Variants in TNIK observed in about 807,000 individuals in gnomAD.
TNIK encodes the protein TRAF2 and NCK interacting kinase.
In TNIK, 49 loss-of-function variants were observed where a neutral mutation model predicts 191.3. The ratio of observed to expected loss-of-function variants is 0.26; its 90% CI spans 0.20 to 0.32. The LOEUF is 0.32. Among genes scored for constraint, TNIK ranks in the 10% least tolerant of loss-of-function variants. The pLI is 1.00. For missense variants in TNIK, 1,155 were observed against 1,702.3 expected (o/e 0.68, Z 5.66); for synonymous variants, 594 against 600.9 (o/e 0.99, Z 0.17).
At position 171,378,895 on chromosome 3, in the gene TNIK, G is replaced by C. The variant is rs114300427; in HGVS notation, c.58-9210C>G. ...AGTTAAATGAAGACCTATGTCTTTTGACTTCTAGTTTTTCCTTCTGTTTGA... is the reference window on the plus strand; with the variant it reads ...AGTTAAATGAAGACCTATGTCTTTTCACTTCTAGTTTTTCCTTCTGTTTGA... On this transcript the variant is annotated intron_variant, in intron 1 of 32. Transcript: ENST00000436636. Among the ~76,000 whole-genome samples the C allele has an allele frequency of 6.6e-3, 1,002 of 152,320 alleles. 13 individuals are homozygous for C. The highest frequency in any genetic ancestry group is 0.021 in the African/African-American group (874 of 41,564).
intron 1 of TNIK, among the ~76,000 whole-genome samples, chr3:171,432,181 A>T (rs1207025712): frequency 6.6e-6 from 1 of 152,220 alleles, no homozygotes; most frequent in African/African-American, 2.4e-5. Context: ...TGCAAGAGGA[A>T]AGCTGGAGGC....
intron 15 of TNIK, among the ~76,000 whole-genome samples, chr3:171,133,272 A>C (rs1379586967): frequency 1.3e-5 from 2 of 152,336 alleles, no homozygotes; most frequent in Middle Eastern, 6.8e-3. Flanking sequence ...TAATGAAGCA[A>C]AATCTTAGAA....
intron 2 of TNIK, 106 bp from the exon 3 acceptor site, chr3:171,228,327 AT>A: frequency 8.9e-7 from 1 of 1,118,180 alleles, no homozygotes; most frequent in East Asian, 2.4e-5. Context: ...TACTATGTCA[AT>A]GGGGGGAGAG....
At chr3:171,401,187 G>A (rs757157888) in intron 1 of TNIK, among the ~76,000 whole-genome samples, 3 of 152,148 alleles carry the variant, frequency 2.0e-5, no homozygotes, top group Non-Finnish European at 1.5e-5. Flanking sequence ...TTTAGGAGAG[G>A]TGAGGGATCA....
At chr3:171,303,025 T>C (rs541121876) in intron 2 of TNIK, among the ~76,000 whole-genome samples, 1 of 152,346 alleles carries the variant, frequency 6.6e-6, no homozygotes, top group East Asian at 1.9e-4. Context: ...GTAATTACTT[T>C]ATATAATAAC....
At chr3:171,397,127 T>C (rs534594260) in intron 1 of TNIK, among the ~76,000 whole-genome samples, 12 of 152,230 alleles carry the variant, frequency 7.9e-5, no homozygotes, top group Non-Finnish European at 1.2e-4. Flanking sequence ...ATGTGGCATC[T>C]GGAAAATCTA....
rs548371638 is a variant in TNIK at position 171,113,670 on chromosome 3, A to AATAT, written c.2121-2797_2121-2794dup. 4.0e-3 allele frequency among the ~76,000 whole-genome samples: 597 copies of AATAT among 151,136 alleles called. 3 individuals carry two copies. The highest frequency in any genetic ancestry group is 0.014 in the African/African-American group (557 of 41,234). Reference sequence around the variant, plus strand: ...TTGGTAGGCTACTACTCCCATTAAAAATATATATATATATTACTGTATTTG... The same window carrying AATAT: ...TTGGTAGGCTACTACTCCCATTAAAAATATATATATATATATATTACTGTATTTG... On this transcript the variant is annotated intron_variant, in intron 18 of 32. Coordinates refer to ENST00000436636, the MANE Select transcript of TNIK (RefSeq NM_015028.4).
chr3:171,132,264 A>G (rs1576915437), intron 15 of TNIK, among the ~76,000 whole-genome samples: 1 of 152,372 alleles, frequency 6.6e-6, no homozygotes, highest in East Asian at 1.9e-4. Context: ...GTTAGCACAG[A>G]CTGATCAACT....
intron 15 of TNIK, among the ~76,000 whole-genome samples, 179 bp downstream of exon 15, chr3:171,138,012 A>C (rs541714968): frequency 2.0e-5 from 3 of 151,944 alleles, no homozygotes; most frequent in Non-Finnish European, 4.4e-5. Flanking sequence ...AAATGAAGGA[A>C]GGTATCTTGC....
chr3:171,328,085 C>G (rs1297213833), intron 2 of TNIK, among the ~76,000 whole-genome samples: 2 of 152,064 alleles, frequency 1.3e-5, no homozygotes, highest in East Asian at 3.9e-4. Context: ...AATCCTAATT[C>G]CCAACCTGTT....
At chr3:171,205,341 C>A (rs1360660256) in intron 4 of TNIK, among the ~76,000 whole-genome samples, 19 of 152,202 alleles carry the variant, frequency 1.2e-4, no homozygotes, top group Admixed American at 1.2e-3. Context: ...AAGAAAGAAG[C>A]TACTAGACAA....
At chr3:171,138,001 CAAAT>C (rs1171401094) in intron 15 of TNIK, among the ~76,000 whole-genome samples, 186 bp downstream of exon 15, 18 of 148,786 alleles carry the variant, frequency 1.2e-4, no homozygotes, top group African/African-American at 4.0e-4. Flanking sequence ...CAAAACCTCA[CAAAT>C]GAAGGAAGGT....
intron 4 of TNIK, among the ~76,000 whole-genome samples, chr3:171,198,627 G>A (rs1367902439): frequency 6.6e-6 from 1 of 152,152 alleles, no homozygotes; most frequent in East Asian, 1.9e-4. Context: ...ATGGACATGT[G>A]GATGGGGTGG....
At chr3:171,420,240 C>T (rs111653671) in intron 1 of TNIK, among the ~76,000 whole-genome samples, 59 of 152,228 alleles carry the variant, frequency 3.9e-4, no homozygotes, top group African/African-American at 1.3e-3. Flanking sequence ...TGGTCCCTGC[C>T]TATAGGAGTT....
intron 23 of TNIK, among the ~76,000 whole-genome samples, chr3:171,090,494 C>G (rs1297601979): frequency 1.3e-5 from 2 of 149,640 alleles, no homozygotes; most frequent in African/African-American, 5.0e-5. Context: ...ACCCAAAGAG[C>G]CTTCATGATG....
intron 2 of TNIK, among the ~76,000 whole-genome samples, chr3:171,331,316 G>T (rs1298512839): frequency 1.3e-5 from 2 of 152,172 alleles, no homozygotes; most frequent in African/African-American, 4.8e-5. Context: ...GGCAAAGAGA[G>T]CCCTGTAAAT....
intron 9 of TNIK, among the ~76,000 whole-genome samples, chr3:171,169,966 C>T (rs185263444): frequency 3.3e-5 from 5 of 152,258 alleles, no homozygotes; most frequent in Admixed American, 2.6e-4. Context: ...AAGAAGGATT[C>T]GTAGTGTCTT....
rs1244922898 is a variant in TNIK, at chr3:171,438,494, T to C, written c.57+21513A>G. 2.0e-5 allele frequency among the ~76,000 whole-genome samples: 3 copies of C among 152,180 alleles called. No homozygotes were observed. In the South Asian group the frequency reaches 6.2e-4, roughly 31 times the overall value. The stretch of plus-strand genomic sequence containing the variant: ...AGAAGACACGTCCTGGTGAATTACG[T>C]GTTAGGCACACTGCAGAATGCAAAT... On this transcript the variant is annotated intron_variant, in intron 1 of 32. Coordinates refer to ENST00000436636, the MANE Select transcript of TNIK (RefSeq NM_015028.4).
At chr3:171,371,459 A>G (rs879905188) in intron 1 of TNIK, among the ~76,000 whole-genome samples, 1 of 152,222 alleles carries the variant, frequency 6.6e-6, no homozygotes, top group Non-Finnish European at 1.5e-5. Context: ...AGTTAGCACT[A>G]CATTACCTGC....
Sources: gnomAD v4.1 joint callset for allele counts (sites outside exome capture counted in the v4.1 genomes callset) on GRCh38, gnomAD v4.1.1 for gene constraint, MANE v1.5 for transcripts, NCBI Gene and HGNC (gene_info 2026-07-23, HGNC 2026-07-21) for gene names.